Variants in DLC1 observed in about 807,000 individuals in gnomAD.
The protein encoded by DLC1 is rho GTPase-activating protein 7.
In DLC1, 54 loss-of-function variants were observed where a neutral mutation model predicts 140.3. That is an observed-to-expected ratio of 0.38 (90% CI 0.31 to 0.48). DLC1 has a LOEUF of 0.48. DLC1 is among the 20% of genes least tolerant of loss of function. DLC1 has a pLI of 0.96. For missense variants in DLC1, 2,536 were observed against 1,907.0 expected (o/e 1.33, Z -6.14); for synonymous variants, 986 against 728.1 (o/e 1.35, Z -5.70).
chr8:13,135,801 T>G (rs560879460), intron 5 of DLC1, among the ~76,000 whole-genome samples: 1 of 152,348 alleles, frequency 6.6e-6, no homozygotes, highest in Non-Finnish European at 1.5e-5. Context: ...AAACTTCTCT[T>G]CTTATTCAAG....
At chr8:13,429,200 T>G (rs901057187) in intron 2 of DLC1, among the ~76,000 whole-genome samples, 1 of 152,200 alleles carries the variant, frequency 6.6e-6, no homozygotes, top group Non-Finnish European at 1.5e-5. Context: ...ATACAGATCA[T>G]AGGTCTTCTC....
chr8:13,137,584 G>C (rs1339968536), intron 5 of DLC1, among the ~76,000 whole-genome samples: 1 of 147,282 alleles, frequency 6.8e-6, no homozygotes, highest in Non-Finnish European at 1.5e-5. Context: ...CTTCAGCTTG[G>C]ACATCAGTTT....
chr8:13,282,652 C>G (rs1447885989), intron 5 of DLC1, among the ~76,000 whole-genome samples: 2 of 151,544 alleles, frequency 1.3e-5, no homozygotes, highest in African/African-American at 4.8e-5. Context: ...TTTCTTTTAT[C>G]CTTTCATTTT....
chr8:13,390,238 A>G (rs1230665650), intron 4 of DLC1, among the ~76,000 whole-genome samples: 1 of 152,188 alleles, frequency 6.6e-6, no homozygotes, highest in Non-Finnish European at 1.5e-5. Context: ...AAATTGAAAG[A>G]ATGATTCCCC....
chr8:13,093,210 G>C (rs1323045529), intron 12 of DLC1, among the ~76,000 whole-genome samples: 4 of 151,966 alleles, frequency 2.6e-5, no homozygotes, highest in African/African-American at 9.7e-5. Flanking sequence ...CTTTTGTTTA[G>C]TGTTGATGAA....
intron 15 of DLC1, 76 bp downstream of exon 15, chr8:13,090,176 C>A: frequency 7.0e-7 from 1 of 1,426,822 alleles, no homozygotes; most frequent in Admixed American, 2.0e-5. Context: ...GATTAGTTGG[C>A]AAAAGCGTGT....
chr8:13,426,424 C>T (rs378054), intron 2 of DLC1, among the ~76,000 whole-genome samples: 147,698 of 152,292 alleles, frequency 0.97, 71,774 homozygotes, highest in East Asian at 1. Flanking sequence ...TGAATACCAA[C>T]ATCTTTTAGT....
intron 14 of DLC1, 114 bp from the exon 15 acceptor site, chr8:13,090,584 G>A (rs1817973173): frequency 2.5e-6 from 3 of 1,211,570 alleles, no homozygotes; most frequent in Non-Finnish European, 3.4e-6. Flanking sequence ...AGCAGTGCAG[G>A]CATCTTCCCG....
intron 5 of DLC1, among the ~76,000 whole-genome samples, chr8:13,120,342 C>CAAAAAAAAAAAAAAA (rs1554577908): frequency 3.4e-5 from 2 of 58,812 alleles, no homozygotes; most frequent in South Asian, 6.9e-4. Flanking sequence ...GACTCCGTCG[C>CAAAAAAAAAAAAAAA]AAAAAAAAAA....
At chr8:13,221,726 G>GTGTGTA (rs952162614) in intron 5 of DLC1, among the ~76,000 whole-genome samples, 3 of 132,448 alleles carry the variant, frequency 2.3e-5, no homozygotes, top group Admixed American at 8.3e-5. Flanking sequence ...GTGTGTGTGT[G>GTGTGTA]TATATATATA....
At chr8:13,451,058 A>AAAAAAAAAAAG (rs1460128538) in intron 2 of DLC1, among the ~76,000 whole-genome samples, 1 of 148,330 alleles carries the variant, frequency 6.7e-6, no homozygotes, top group Non-Finnish European at 1.5e-5. Context: ...AAAAAAAAAA[A>AAAAAAAAAAAG]AAAAAAAAAA....
At chr8:13,470,240 G>T (rs1006597956) in intron 2 of DLC1, among the ~76,000 whole-genome samples, 1 of 152,050 alleles carries the variant, frequency 6.6e-6, no homozygotes, top group Non-Finnish European at 1.5e-5. Context: ...TTCTCAAAGG[G>T]CTTTTATTTT....
intron 1 of DLC1, among the ~76,000 whole-genome samples, chr8:13,597,739 A>G (rs1394024839): frequency 6.6e-6 from 1 of 152,134 alleles, no homozygotes; most frequent in Admixed American, 6.6e-5. Flanking sequence ...GTTTTAATTT[A>G]AAGTCAGTAT....
intron 1 of DLC1, among the ~76,000 whole-genome samples, chr8:13,538,077 A>G (rs1236948576): frequency 6.6e-6 from 1 of 152,194 alleles, no homozygotes; most frequent in East Asian, 1.9e-4. Context: ...TTACTAATGC[A>G]TATTTACTTT....
At chr8:13,571,798 A>G (rs1225119359) in intron 1 of DLC1, among the ~76,000 whole-genome samples, 1 of 152,198 alleles carries the variant, frequency 6.6e-6, no homozygotes, top group African/African-American at 2.4e-5. Context: ...TTTCTACAGC[A>G]GTTGCAACGT....
chr8:13,147,446 C>A (rs1009527546), intron 5 of DLC1, among the ~76,000 whole-genome samples: 3 of 152,164 alleles, frequency 2.0e-5, no homozygotes, highest in African/African-American at 7.2e-5. Context: ...AATCTGAAAA[C>A]TGGAAAAGAA....
intron 2 of DLC1, among the ~76,000 whole-genome samples, chr8:13,448,369 C>CTTCTTT (rs760341572): frequency 7.0e-6 from 1 of 143,836 alleles, no homozygotes. Flanking sequence ...TCTTCTTCTT[C>CTTCTTT]TTTTTTTTTT....
intron 5 of DLC1, among the ~76,000 whole-genome samples, chr8:13,230,446 A>G (rs1828992330): frequency 6.6e-6 from 1 of 152,226 alleles, no homozygotes; most frequent in African/African-American, 2.4e-5. Context: ...AAGCAAGGTT[A>G]GGTGGCATGA....
intron 5 of DLC1, among the ~76,000 whole-genome samples, chr8:13,261,709 G>T (rs189960933): frequency 1.8e-4 from 27 of 152,204 alleles, no homozygotes; most frequent in Non-Finnish European, 3.4e-4. Context: ...GCTGATGGAA[G>T]AAATGTAGGG....
Sources: gnomAD v4.1 joint callset for allele counts (sites outside exome capture counted in the v4.1 genomes callset) on GRCh38, gnomAD v4.1.1 for gene constraint, MANE v1.5 for transcripts, NCBI Gene and HGNC (gene_info 2026-07-23, HGNC 2026-07-21) for gene names.